COL4A4: variants seen among roughly 807,000 people sequenced by gnomAD.
The protein encoded by COL4A4 is collagen alpha-4(IV) chain.
Under a neutral mutation model 192.9 loss-of-function variants are expected in COL4A4, and 105 were observed. That is an observed-to-expected ratio of 0.54 (90% CI 0.46 to 0.64). COL4A4 has a LOEUF of 0.64. Among genes scored for constraint, COL4A4 ranks in the 30% least tolerant of loss-of-function variants. The pLI, the probability that COL4A4 is intolerant of heterozygous loss-of-function variation, is 0.00. For missense variants in COL4A4, 1,967 were observed against 2,169.3 expected, an observed-to-expected ratio of 0.91 and a Z score of 1.85; for synonymous variants, 762 against 769.9, an observed-to-expected ratio of 0.99 and a Z score of 0.17.
chr2:227,025,921 T>C, intron 42 of COL4A4, 111 bp from the exon 43 acceptor site: 1 of 966,022 alleles, frequency 1.0e-6, no homozygotes, highest in Non-Finnish European at 1.6e-6. Context: ...AGAACATACA[T>C]AATAATTTGA....
rs2063414254 is a variant in COL4A4 at position 227,144,462 on chromosome 2, G to A, written c.114+54C>T. The stretch of plus-strand genomic sequence containing the variant: ...TCTTTGAAAGTATAACAAAAATTAT[G>A]CATTCTATAAAGTGAATTTTCACAA... On this transcript the variant is annotated intron_variant, in intron 3 of 47. Coordinates refer to ENST00000396625, the MANE Select transcript of COL4A4 (RefSeq NM_000092.5). 4 of 1,456,526 alleles carry A rather than the reference G, an allele frequency of 2.7e-6. No homozygotes were observed. In the African/African-American group the frequency reaches 5.6e-5, roughly 20 times the overall value. The allele number at this position is 1,456,526 out of a possible 1,614,324, so 90.2% of individuals were successfully genotyped here.
In COL4A4 at chr2:227,133,700, T is replaced by C. The variant is rs150165488; in HGVS notation, c.192+6461A>G. Among the ~76,000 whole-genome samples the C allele has an allele frequency of 5.7e-3, 865 of 152,206 alleles. 5 individuals carry two copies. Among genetic ancestry groups the C allele is most frequent in the African/African-American group, 0.019 (800 of 41,532 alleles). Reference sequence around the variant, plus strand: ...TGAGGTCAGGAGTTTGAGACCAGCCTGGCCAACATGGCAAAATCCCATCTC... The same window carrying C: ...TGAGGTCAGGAGTTTGAGACCAGCCCGGCCAACATGGCAAAATCCCATCTC... On this transcript the variant is annotated intron_variant, in intron 4 of 47. Transcript: ENST00000396625.
chr2:227,038,913 CTGTTT>C (rs1023698668), intron 37 of COL4A4, among the ~76,000 whole-genome samples: 12 of 152,144 alleles, frequency 7.9e-5, no homozygotes, highest in Non-Finnish European at 1.3e-4. Flanking sequence ...ATGTATTTCA[CTGTTT>C]TGTTTTGTGT....
intron 4 of COL4A4, among the ~76,000 whole-genome samples, chr2:227,124,524 G>T (rs1384708202): frequency 6.6e-6 from 1 of 151,976 alleles, no homozygotes; most frequent in African/African-American, 2.4e-5. Context: ...ATTCATCATT[G>T]TTAAATAGCT....
chr2:227,160,310 C>A (rs1204491002), intron 1 of COL4A4, among the ~76,000 whole-genome samples: 2 of 152,134 alleles, frequency 1.3e-5, no homozygotes, highest in African/African-American at 4.8e-5. Context: ...CACCTGTTTC[C>A]CACTCTTTCC....
chr2:226,976,028 G>C, the COL4A4 span, among the ~76,000 whole-genome samples: 1 of 151,828 alleles, frequency 6.6e-6, no homozygotes, highest in Non-Finnish European at 1.5e-5. Flanking sequence ...AGCAGGGCCT[G>C]TCTGGTCACA....
chr2:226,969,394 C>CTT, the COL4A4 span, among the ~76,000 whole-genome samples: 164 of 115,536 alleles, frequency 1.4e-3, 5 homozygotes, highest in African/African-American at 4.0e-3. Flanking sequence ...ACAGCTCAGC[C>CTT]TTTTTTTTTT....
At chr2:227,161,728 ACT>A (rs1210818641) in intron 1 of COL4A4, among the ~76,000 whole-genome samples, 4 of 152,018 alleles carry the variant, frequency 2.6e-5, no homozygotes, top group East Asian at 1.9e-4. Context: ...GAGACCAGAG[ACT>A]CTACATTTCC....
the COL4A4 span, among the ~76,000 whole-genome samples, chr2:226,973,722 T>C: frequency 6.6e-6 from 1 of 152,236 alleles, no homozygotes; most frequent in Admixed American, 6.5e-5. Flanking sequence ...TCATTGTTAT[T>C]GTCTGAGCAA....
chr2:227,114,518 T>C lies in COL4A4; in HGVS notation c.558+110A>G, dbSNP rs2124921213. The C allele has an allele frequency of 3.5e-6, 3 of 857,794 alleles. No individual in the cohort carries two copies. In the Admixed American group the frequency reaches 5.1e-5, roughly 15 times the overall value. The allele number at this position is 857,794 out of a possible 1,614,324, so 53.1% of individuals were successfully genotyped here. A position where few individuals can be genotyped will look rare whatever the true frequency, so the allele number is the denominator to read the frequency against. Reference sequence around the variant, plus strand: ...CTGAGGGTCAGGGTAATGATAAAAATTGGTGTATTCAGGGACATTTTGAAG... The same window carrying C: ...CTGAGGGTCAGGGTAATGATAAAAACTGGTGTATTCAGGGACATTTTGAAG... On this transcript the variant is annotated intron_variant, in intron 8 of 47. Transcript: ENST00000396625.
intron 20 of COL4A4, among the ~76,000 whole-genome samples, chr2:227,091,914 GAAAGAAAGA>G (rs1473793221): frequency 1.9e-5 from 1 of 51,360 alleles, no homozygotes; most frequent in Non-Finnish European, 3.6e-5. Context: ...AAGAAAGAAA[GAAAGAAAGA>G]AAGAAAAGAA....
At chr2:227,009,915 G>A (rs1388589107) in intron 46 of COL4A4, among the ~76,000 whole-genome samples, 1 of 152,206 alleles carries the variant, frequency 6.6e-6, no homozygotes, top group Non-Finnish European at 1.5e-5. Context: ...CCATCAGCGT[G>A]CTGTGGCTGC....
chr2:227,061,015 C>T (rs917665262), intron 26 of COL4A4, among the ~76,000 whole-genome samples: 4 of 152,150 alleles, frequency 2.6e-5, no homozygotes, highest in East Asian at 1.9e-4. Flanking sequence ...CATGAGCCAC[C>T]GCACCCGGCC....
chr2:227,099,682 G>A lies in COL4A4; in HGVS notation c.1037C>T (p.Pro346Leu). 6.2e-7 allele frequency: 1 copy of A among 1,613,946 alleles called. No individual in the cohort carries two copies. The highest frequency in any genetic ancestry group is 8.5e-7 in the Non-Finnish European group (1 of 1,179,892). Residue 346 changes from proline to leucine, a missense_variant, in exon 18 of 48, where the codon CCT becomes CTT. Pro to Leu is a moderately conservative substitution (Grantham distance 98). Coordinates refer to ENST00000396625, the MANE Select transcript of COL4A4 (RefSeq NM_000092.5). ...TGGTCCTGGGTGCCCTCGATTTCCA[G>A]GATCCCCCTGAAATCATTCATTCAT... ...LFGLIGPKGD[P>L]GNRGHPGPPG...
intron 37 of COL4A4, among the ~76,000 whole-genome samples, chr2:227,040,504 G>A (rs1970552317): frequency 6.6e-6 from 1 of 151,922 alleles, no homozygotes; most frequent in South Asian, 2.1e-4. Flanking sequence ...CCAAACAAAT[G>A]TGATACAACG....
intron 44 of COL4A4, among the ~76,000 whole-genome samples, chr2:227,017,662 C>T (rs559413791): frequency 4.6e-5 from 7 of 152,302 alleles, no homozygotes; most frequent in African/African-American, 1.2e-4. Flanking sequence ...GTGGACTAAT[C>T]GACCCACTTC....
intron 37 of COL4A4, among the ~76,000 whole-genome samples, chr2:227,037,661 C>G (rs1033838872): frequency 1.3e-5 from 2 of 152,188 alleles, no homozygotes; most frequent in Non-Finnish European, 2.9e-5. Context: ...GGAATCGCCA[C>G]ACTGTCTTCC....
intron 12 of COL4A4, among the ~76,000 whole-genome samples, chr2:227,107,266 G>A (rs2060902186): frequency 6.6e-6 from 1 of 152,114 alleles, no homozygotes; most frequent in Non-Finnish European, 1.5e-5. Flanking sequence ...CACAATTGGA[G>A]GGACGGGATG....
intron 25 of COL4A4, among the ~76,000 whole-genome samples, chr2:227,065,859 A>G (rs921340408): frequency 1.3e-5 from 2 of 152,268 alleles, no homozygotes; most frequent in African/African-American, 4.8e-5. Context: ...CCAGCAATGG[A>G]ACAAAGCTGG....
Sources: allele counts gnomAD v4.1 joint callset (sites outside exome capture counted in the v4.1 genomes callset), GRCh38; gene constraint gnomAD v4.1.1; transcripts MANE v1.5; gene names NCBI Gene and HGNC (gene_info 2026-07-23, HGNC 2026-07-21).